The following FER variants were observed in gnomAD, a reference collection of about 807,000 sequenced individuals.
FER encodes FER tyrosine kinase.
A neutral mutation model predicts 111.0 loss-of-function variants in FER; 63 were observed. The observed-to-expected ratio is 0.57, with a 90% CI of 0.46 to 0.70. The LOEUF (loss-of-function observed/expected upper bound fraction) is 0.70. FER is among the 30% of genes least tolerant of loss of function. FER has a pLI of 0.00. For synonymous variants in FER, 327 were observed against 313.9 expected, an observed-to-expected ratio of 1.04 and a Z score of -0.44; for missense variants, 914 against 954.0, an observed-to-expected ratio of 0.96 and a Z score of 0.55.
At chr5:108,769,759 G>C (rs1752693022) in intron 2 of FER, among the ~76,000 whole-genome samples, 1 of 152,106 alleles carries the variant, frequency 6.6e-6, no homozygotes, top group Non-Finnish European at 1.5e-5. Context: ...ATTAGAAGCT[G>C]GTATCATGTA....
chr5:108,893,275 C>T (rs1404648764), intron 9 of FER, among the ~76,000 whole-genome samples: 9 of 151,592 alleles, frequency 5.9e-5, no homozygotes, highest in East Asian at 1.9e-4. Context: ...GCCATTTTCA[C>T]GATATTGGTT....
At chr5:108,752,803 AT>A (rs1750647853) in intron 1 of FER, among the ~76,000 whole-genome samples, 7 of 152,186 alleles carry the variant, frequency 4.6e-5, no homozygotes, top group African/African-American at 1.2e-4. Context: ...TTTTAAAAAT[AT>A]TCATATCAGA....
In FER at chr5:109,180,709, G is replaced by A. The variant is rs765882526; in HGVS notation, c.2049-38G>A. On this transcript the variant is annotated intron_variant, in intron 17 of 19. Transcript: ENST00000281092. ...TAAATGTGAAAGTGGCTTTCAATTT[G>A]TTTTAATAGGCGTTTTCTGTGTCTT... 16 of 1,561,712 alleles carry A rather than the reference G, an allele frequency of 1.0e-5. No homozygotes were observed. The Admixed American group carries it at 3.4e-4, about 33-fold the overall frequency.
intron 11 of FER, among the ~76,000 whole-genome samples, chr5:108,952,358 T>C (rs187270237): frequency 6.6e-6 from 1 of 152,138 alleles, no homozygotes; most frequent in African/African-American, 2.4e-5. Flanking sequence ...TAAAATTGTT[T>C]GGGATTTCAT....
At chr5:108,870,442 A>G (rs977508936) in intron 6 of FER, among the ~76,000 whole-genome samples, 2 of 152,258 alleles carry the variant, frequency 1.3e-5, no homozygotes, top group East Asian at 1.9e-4. Flanking sequence ...CTAAATCTGT[A>G]TTAAATTTTT....
chr5:108,998,676 C>T (rs1764327821), intron 13 of FER, among the ~76,000 whole-genome samples: 1 of 152,114 alleles, frequency 6.6e-6, no homozygotes. Flanking sequence ...AGGGATGTTG[C>T]ATTTTATCGA....
rs767387541 is a variant in FER, at chr5:108,971,097, G to GA, written c.1656+11757dup. 1.2e-3 allele frequency among the ~76,000 whole-genome samples: 175 copies of GA among 151,788 alleles called. 1 individual carries two copies. The highest frequency in any genetic ancestry group is 4.1e-3 in the African/African-American group (170 of 41,318). The stretch of plus-strand genomic sequence containing the variant: ...AAGGAATTCATTGGCACACTTAACA[G>GA]AAAAAAATCAATGTTCATTTTACCA... On this transcript the variant is annotated intron_variant, in intron 13 of 19. Transcript: ENST00000281092.
intron 16 of FER, among the ~76,000 whole-genome samples, chr5:109,051,107 C>T (rs1318441784): frequency 6.6e-6 from 1 of 152,174 alleles, no homozygotes; most frequent in African/African-American, 2.4e-5. Context: ...ATATGCACCT[C>T]TCTTATCCCC....
At chr5:108,819,426 A>T (rs531913885) in intron 3 of FER, among the ~76,000 whole-genome samples, 1 of 152,178 alleles carries the variant, frequency 6.6e-6, no homozygotes, top group East Asian at 1.9e-4. Flanking sequence ...ACACATTAAG[A>T]ATTAGTTTTG....
chr5:109,107,153 C>G (rs1749034170), intron 17 of FER, among the ~76,000 whole-genome samples: 1 of 152,136 alleles, frequency 6.6e-6, no homozygotes, highest in African/African-American at 2.4e-5. Flanking sequence ...TGGCTGATGT[C>G]TCATATTCTT....
intron 16 of FER, among the ~76,000 whole-genome samples, chr5:109,098,778 T>G (rs1472798574): frequency 7.3e-5 from 11 of 151,654 alleles, no homozygotes; most frequent in Non-Finnish European, 1.6e-4. Flanking sequence ...GGTATTCTCT[T>G]AAAAATAACA....
At chr5:109,062,122 A>T (rs959916639) in intron 16 of FER, among the ~76,000 whole-genome samples, 1 of 152,114 alleles carries the variant, frequency 6.6e-6, no homozygotes, top group African/African-American at 2.4e-5. Context: ...TGAAAAAAAA[A>T]CCCTAATATG....
At chr5:108,774,713 T>G (rs1043955206) in intron 2 of FER, among the ~76,000 whole-genome samples, 66 of 152,270 alleles carry the variant, frequency 4.3e-4, no homozygotes, top group African/African-American at 1.4e-3. Flanking sequence ...ATGTGTCTGT[T>G]CATATCCTTT....
At chr5:108,916,247 G>T (rs975749636) in intron 10 of FER, among the ~76,000 whole-genome samples, 1 of 152,120 alleles carries the variant, frequency 6.6e-6, no homozygotes, top group African/African-American at 2.4e-5. Context: ...TTGTGGTTCA[G>T]ATACTTAGGA....
chr5:109,053,125 G>GC (rs1561831848), intron 16 of FER, among the ~76,000 whole-genome samples: 1 of 152,042 alleles, frequency 6.6e-6, no homozygotes, highest in Non-Finnish European at 1.5e-5. Context: ...AGTGGCTCAC[G>GC]CCTGTAATCC....
chr5:108,776,539 A>G (rs369492856), intron 2 of FER, among the ~76,000 whole-genome samples: 2 of 152,164 alleles, frequency 1.3e-5, no homozygotes, highest in African/African-American at 4.8e-5. Context: ...TTATACAGAT[A>G]CTTGCATATA....
chr5:109,051,323 G>T, intron 16 of FER: 4 of 1,590,324 alleles, frequency 2.5e-6, no homozygotes, highest in Admixed American at 3.3e-5. Flanking sequence ...TAGATCTCCA[G>T]GTCATCAGGC....
chr5:109,035,842 G>C (rs1045131104), intron 13 of FER, among the ~76,000 whole-genome samples: 3 of 152,128 alleles, frequency 2.0e-5, no homozygotes, highest in Admixed American at 6.5e-5. Flanking sequence ...TTTAATTTTA[G>C]TATCTTAATG....
At chr5:108,998,853 T>C (rs1261308572) in intron 13 of FER, among the ~76,000 whole-genome samples, 1 of 152,188 alleles carries the variant, frequency 6.6e-6, no homozygotes, top group African/African-American at 2.4e-5. Context: ...CTGGATTCCG[T>C]TTGCCAATAT....
Sources: gnomAD v4.1 joint callset for allele counts (sites outside exome capture counted in the v4.1 genomes callset) on GRCh38, gnomAD v4.1.1 for gene constraint, MANE v1.5 for transcripts, NCBI Gene and HGNC (gene_info 2026-07-23, HGNC 2026-07-21) for gene names.